Variants in LMNA observed in about 807,000 individuals in gnomAD.
LMNA encodes lamin A/C.
A neutral mutation model predicts 70.4 loss-of-function variants in LMNA; 20 were observed. The observed-to-expected ratio is 0.28, with a 90% CI of 0.20 to 0.41. The LOEUF (loss-of-function observed/expected upper bound fraction) is 0.41, where lower values mean the gene tolerates loss of function less well. Among genes scored for constraint, LMNA ranks in the 10% least tolerant of loss-of-function variants. The probability of loss-of-function intolerance (pLI) is 1.00; values close to 1 mark genes in which losing one functional copy is unlikely to be tolerated. For synonymous variants in LMNA, 339 were observed against 372.8 expected, an observed-to-expected ratio of 0.91 and a Z score of 1.04; for missense variants, 652 against 917.2, an observed-to-expected ratio of 0.71 and a Z score of 3.73.
intron 3 of LMNA, among the ~76,000 whole-genome samples, chr1:156,104,788 C>T (rs562669282): frequency 1.3e-5 from 2 of 152,190 alleles, no homozygotes; most frequent in South Asian, 4.1e-4. Context: ...CACCTCTAAA[C>T]CTTAGCTCCA....
At chr1:156,104,357 T>C (rs1223628231) in intron 3 of LMNA, among the ~76,000 whole-genome samples, 1 of 152,150 alleles carries the variant, frequency 6.6e-6, no homozygotes. Context: ...CTGGTAAATA[T>C]TTGCCCCAAC....
At chr1:156,089,021 A>G (rs1165348040) in intron 2 of LMNA, among the ~76,000 whole-genome samples, 1 of 152,200 alleles carries the variant, frequency 6.6e-6, no homozygotes, top group East Asian at 1.9e-4. Context: ...TCTGTCGTCC[A>G]GGCTATAATA....
intron 3 of LMNA, among the ~76,000 whole-genome samples, chr1:156,100,589 G>A (rs1209672303): frequency 6.6e-6 from 1 of 152,138 alleles, no homozygotes; most frequent in Non-Finnish European, 1.5e-5. Context: ...TGCACACAGG[G>A]AGCTCAGATG....
In LMNA at chr1:156,115,257, T is replaced by C. The variant is rs759878335; in HGVS notation, c.339T>C (p.Phe113=). The C allele has an allele frequency of 6.2e-7, 1 of 1,609,676 alleles. No individual in the cohort carries two copies. Among genetic ancestry groups the C allele is most frequent in the African/African-American group, 1.3e-5 (1 of 74,910 alleles). The change falls in exon 1 of 12, where the codon TTT becomes TTC. Residue 113 remains phenylalanine, a synonymous_variant. Transcript: ENST00000368300. This position sits in a 1 kb window ranked among gnomAD's most constrained non-coding sequence, Gnocchi z 5.8. ...AGCTGAGCAAAGTGCGTGAGGAGTT[T>C]AAGGAGCTGAAAGCGCGGTGAGTTC... The part of the protein sequence containing the change: ...QLELSKVREE[F]KELKARNTKK...
chr1:156,127,943 C>T (rs538031537), intron 1 of LMNA, among the ~76,000 whole-genome samples: 14 of 152,194 alleles, frequency 9.2e-5, no homozygotes, highest in South Asian at 2.1e-4. Flanking sequence ...GCCTTGGCCT[C>T]CCAAAGTGCT....
rs1651946531 is a variant in LMNA, at chr1:156,139,658, G to A, written c.*552G>A. 12 of 1,498,206 alleles carry A rather than the reference G, an allele frequency of 8.0e-6. No individual in the cohort carries two copies. In the South Asian group the frequency reaches 1.5e-4, roughly 19 times the overall value. The allele number at this position is 1,498,206 out of a possible 1,614,324, so 92.8% of individuals were successfully genotyped here. A position where few individuals can be genotyped will look rare whatever the true frequency, so the allele number is the denominator to read the frequency against. On this transcript the variant is annotated 3_prime_UTR_variant, in exon 12 of 12. Coordinates refer to ENST00000368300, the MANE Select transcript of LMNA (RefSeq NM_170707.4). ...GGCCTGCTGTGATTCCACTACACCTGGCTGAGGTTCCTCTGCCTGCCCCGC... is the reference window on the plus strand; with the variant it reads ...GGCCTGCTGTGATTCCACTACACCTAGCTGAGGTTCCTCTGCCTGCCCCGC...
intron 2 of LMNA, among the ~76,000 whole-genome samples, chr1:156,086,827 C>T (rs778451904): frequency 2.6e-5 from 4 of 152,180 alleles, no homozygotes; most frequent in Non-Finnish European, 5.9e-5. Context: ...TTAGTAGAGA[C>T]GGGGTTTCAC....
rs752598065 is a variant in LMNA, at chr1:156,138,708, A to G, written c.1919A>G (p.Asn640Ser). ...GGSGGGSFGD[N>S]LVTRSYLLGN... ...AGTGGGGGTGGCAGCTTCGGGGACA[A>G]TCTGGTCACCCGCTCCTACCTCCTG... The change falls in exon 11 of 12, where the codon AAT becomes AGT. Residue 640 changes from asparagine (N) to serine (S), a missense_variant. Asn to Ser is a conservative substitution (Grantham distance 46, BLOSUM62 1). Around this residue, in one of 4 missense-constraint regions of LMNA, gnomAD observed 327 missense variants for 387.6 expected, o/e 0.84. Transcript: ENST00000368300. The surrounding 1 kb of genome is among the most constrained non-coding windows in gnomAD (Gnocchi z 5.5). 3.7e-6 allele frequency: 6 copies of G among 1,613,198 alleles called. No homozygotes were observed. Among genetic ancestry groups the G allele is most frequent in the African/African-American group, 2.7e-5 (2 of 74,782 alleles).
In LMNA at chr1:156,136,821, C is replaced by A. The variant is rs1158982062; in HGVS notation, c.1381-100C>A. On this transcript the variant is annotated intron_variant, in intron 7 of 11. Coordinates refer to ENST00000368300, the MANE Select transcript of LMNA (RefSeq NM_170707.4). The surrounding 1 kb of genome is among the most constrained non-coding windows in gnomAD (Gnocchi z 6.1). ...GGGTGTGTGTAGATGGAAGGAGAGG[C>A]CTCAATTGCAGGCAGGCAGAGGGCT... The A allele has an allele frequency of 1.1e-6, 1 of 935,450 alleles. No homozygotes were observed. Among genetic ancestry groups the A allele is most frequent in the East Asian group, 2.6e-5 (1 of 38,314 alleles). The allele number at this position is 935,450 out of a possible 1,614,324, so 57.9% of individuals were successfully genotyped here. A position where few individuals can be genotyped will look rare whatever the true frequency, so the allele number is the denominator to read the frequency against.
intron 1 of LMNA, among the ~76,000 whole-genome samples, chr1:156,130,074 C>A (rs143114126): frequency 9.3e-4 from 142 of 152,312 alleles, no homozygotes; most frequent in Middle Eastern, 6.8e-3. Context: ...TCTAACCAGA[C>A]TTTCCTTCCC....
intron 1 of LMNA, chr1:156,127,000 T>C: frequency 7.4e-7 from 1 of 1,345,934 alleles, no homozygotes; most frequent in Non-Finnish European, 1.0e-6. Context: ...TTCCCACCCT[T>C]CCCAGCTCCT....
Position 156,136,952 on chromosome 1 carries a change from G to A in LMNA, c.1412G>A (p.Arg471His), listed in dbSNP as rs267607578. The change falls in exon 8 of 12, where the codon CGC (arginine) becomes CAC (histidine). Residue 471 changes from arginine (R) to histidine (H), a missense_variant. Arg to His is a conservative substitution (Grantham distance 29). This residue lies in a region of LMNA where 327 missense variants were observed against 387.6 expected (regional missense o/e 0.84). Coordinates refer to ENST00000368300, the MANE Select transcript of LMNA (RefSeq NM_170707.4). This position sits in a 1 kb window ranked among gnomAD's most constrained non-coding sequence, Gnocchi z 6.1. ...TCCATGGGCAATTGGCAGATCAAGC[G>A]CCAGAATGGAGATGATCCCTTGCTG... ...DQSMGNWQIK[R>H]QNGDDPLLTY... 3.1e-6 allele frequency: 5 copies of A among 1,614,020 alleles called. No homozygotes were observed. The highest frequency in any genetic ancestry group is 3.4e-6 in the Non-Finnish European group (4 of 1,180,018).
rs1474649629 is a variant in LMNA at position 156,136,449 on chromosome 1, T to C, written c.1380+13T>C. 3.9e-6 allele frequency: 6 copies of C among 1,558,414 alleles called. No homozygotes were observed. The Admixed American group carries it at 1.2e-4, about 30-fold the overall frequency. On this transcript the variant is annotated intron_variant, in intron 7 of 11. Transcript: ENST00000368300. This position sits in a 1 kb window ranked among gnomAD's most constrained non-coding sequence, Gnocchi z 6.1. ...CAAGTCCAATGAGGTAGGCTCCTGC[T>C]CAGGGTCTAAGGGGATACAGCTGCA...
Position 156,139,361 on chromosome 1 carries a change from T to C in LMNA, c.*255T>C. 7.2e-7 allele frequency: 1 copy of C among 1,382,208 alleles called. No homozygotes were observed. The allele number at this position is 1,382,208 out of a possible 1,614,324, so 85.6% of individuals were successfully genotyped here. A position where few individuals can be genotyped will look rare whatever the true frequency, so the allele number is the denominator to read the frequency against. ...TCAATCCTAATTTCTCCTCCCTTCC[T>C]TTTCCCTGCTTCCAGGAAACTCCAC... On this transcript the variant is annotated 3_prime_UTR_variant, in exon 12 of 12. Coordinates refer to ENST00000368300, the MANE Select transcript of LMNA (RefSeq NM_170707.4).
Position 156,114,733 on chromosome 1 carries a change from C to CT in LMNA, c.-185dup. The CT allele has an allele frequency of 1.7e-6, 1 of 574,612 alleles. No individual in the cohort carries two copies. Among genetic ancestry groups the CT allele is most frequent in the Non-Finnish European group, 3.0e-6 (1 of 329,432 alleles). The allele number at this position is 574,612 out of a possible 1,614,324, so 35.6% of individuals were successfully genotyped here. A position where few individuals can be genotyped will look rare whatever the true frequency, so the allele number is the denominator to read the frequency against. On this transcript the variant is annotated 5_prime_UTR_variant, in exon 1 of 12. Coordinates refer to ENST00000368300, the MANE Select transcript of LMNA (RefSeq NM_170707.4). ...CTCAGTGTTCGCGGGAGCGCCGCAC[C>CT]TACACCAGCCAACCCAGATCCCGAG...
At chr1:156,087,806 G>C (rs905320307) in intron 2 of LMNA, among the ~76,000 whole-genome samples, 2 of 151,968 alleles carry the variant, frequency 1.3e-5, no homozygotes, top group Non-Finnish European at 2.9e-5. Context: ...TCCCACTTCA[G>C]CCTCCCAAAG....
At chr1:156,117,764 T>G (rs1649933765) in intron 1 of LMNA, among the ~76,000 whole-genome samples, 1 of 152,088 alleles carries the variant, frequency 6.6e-6, no homozygotes, top group African/African-American at 2.4e-5. Flanking sequence ...CCTGGGTTCA[T>G]TCTGCTGAAA....
intron 1 of LMNA, among the ~76,000 whole-genome samples, chr1:156,127,525 T>G (rs1420592202): frequency 2.9e-5 from 4 of 138,168 alleles, no homozygotes; most frequent in South Asian, 2.5e-4. Flanking sequence ...TTTTTTTTTT[T>G]TTTTTTTTTT....
intron 2 of LMNA, among the ~76,000 whole-genome samples, chr1:156,086,375 G>C (rs1297277505): frequency 6.9e-6 from 1 of 145,934 alleles, no homozygotes; most frequent in Non-Finnish European, 1.5e-5. Context: ...TTAAGCCCTG[G>C]AATGCAGGTG....
Sources: gnomAD v4.1 joint callset for allele counts (sites outside exome capture counted in the v4.1 genomes callset) on GRCh38, gnomAD v4.1.1 for gene constraint, gnomAD v4.1.1 regional missense constraint, Gnocchi (gnomAD v3.1) non-coding constraint, MANE v1.5 for transcripts, NCBI Gene and HGNC (gene_info 2026-07-23, HGNC 2026-07-21) for gene names.